The following EYA2 variants were observed in gnomAD, a reference collection of about 807,000 sequenced individuals.
EYA2 encodes the protein protein phosphatase EYA2.
A neutral mutation model predicts 69.2 loss-of-function variants in EYA2; 31 were observed. The observed-to-expected ratio is 0.45, with a 90% CI of 0.34 to 0.60. The LOEUF (loss-of-function observed/expected upper bound fraction) is 0.60. Among genes scored for constraint, EYA2 ranks in the 20% least tolerant of loss-of-function variants. The pLI, the probability that EYA2 is intolerant of heterozygous loss-of-function variation, is 0.02. For synonymous variants in EYA2, 257 were observed against 279.4 expected (o/e 0.92, Z 0.80); for missense variants, 622 against 701.2 (o/e 0.89, Z 1.28).
chr20:47,063,501 A>G (rs2030986965), intron 5 of EYA2, among the ~76,000 whole-genome samples: 1 of 151,858 alleles, frequency 6.6e-6, no homozygotes, highest in South Asian at 2.1e-4. Context: ...CTGACTTCCT[A>G]GAACTGAATC....
At chr20:46,958,509 G>A (rs1979274400) in intron 1 of EYA2, among the ~76,000 whole-genome samples, 1 of 152,122 alleles carries the variant, frequency 6.6e-6, no homozygotes, top group Non-Finnish European at 1.5e-5. Flanking sequence ...GAAGATAGTA[G>A]CATTATGGAA....
intron 1 of EYA2, among the ~76,000 whole-genome samples, chr20:46,976,742 T>G (rs1315252297): frequency 2.6e-5 from 4 of 152,200 alleles, no homozygotes; most frequent in Non-Finnish European, 2.9e-5. Context: ...GCACAAGGGA[T>G]GAAGACATGG....
intron 1 of EYA2, among the ~76,000 whole-genome samples, chr20:46,919,141 G>A (rs900917853): frequency 3.9e-5 from 6 of 152,380 alleles, no homozygotes; most frequent in Admixed American, 2.0e-4. Context: ...CACAGGCAGA[G>A]TAGATTTAAC....
intron 9 of EYA2, among the ~76,000 whole-genome samples, chr20:47,102,444 G>A (rs141032556): frequency 4.5e-4 from 68 of 152,346 alleles, no homozygotes; most frequent in African/African-American, 1.2e-3. Context: ...GGCACTGGAT[G>A]CCAAGATCCC....
chr20:47,026,764 C>T (rs1354783541), intron 5 of EYA2, among the ~76,000 whole-genome samples: 1 of 152,178 alleles, frequency 6.6e-6, no homozygotes, highest in Non-Finnish European at 1.5e-5. Flanking sequence ...CTAAACCCCC[C>T]ACCAACGCTG....
At chr20:47,132,018 G>C (rs1208881041) in intron 9 of EYA2, among the ~76,000 whole-genome samples, 2 of 152,200 alleles carry the variant, frequency 1.3e-5, no homozygotes, top group Non-Finnish European at 2.9e-5. Flanking sequence ...CCAGGCTGGA[G>C]TGCAGTAGCG....
chr20:47,164,159 T>C (rs74935642), intron 10 of EYA2, among the ~76,000 whole-genome samples: 2,817 of 152,244 alleles, frequency 0.019, 97 homozygotes, highest in African/African-American at 0.064. Flanking sequence ...TTCTCTTCCC[T>C]GGAGGCTCCC....
chr20:47,031,500 C>A (rs1258354232), intron 5 of EYA2, among the ~76,000 whole-genome samples: 1 of 152,166 alleles, frequency 6.6e-6, no homozygotes, highest in East Asian at 1.9e-4. Flanking sequence ...CCTTCCCCTC[C>A]GCTTCTCTAG....
At chr20:46,959,929 G>T (rs566498295) in intron 1 of EYA2, among the ~76,000 whole-genome samples, 2 of 152,144 alleles carry the variant, frequency 1.3e-5, no homozygotes, top group Non-Finnish European at 2.9e-5. Flanking sequence ...GACATGCCGT[G>T]GGGGGAATAT....
At chr20:46,963,970 G>A (rs138180255) in intron 1 of EYA2, among the ~76,000 whole-genome samples, 77 of 152,360 alleles carry the variant, frequency 5.1e-4, no homozygotes, top group African/African-American at 1.7e-3. Flanking sequence ...TTGAGCCATT[G>A]TGGCTCAGAC....
intron 9 of EYA2, among the ~76,000 whole-genome samples, chr20:47,104,334 A>G (rs1014002358): frequency 6.6e-6 from 1 of 152,146 alleles, no homozygotes; most frequent in Non-Finnish European, 1.5e-5. Context: ...ATACCAGTCT[A>G]TTATCAGATA....
intron 7 of EYA2, among the ~76,000 whole-genome samples, chr20:47,074,848 A>C (rs1191150233): frequency 6.6e-6 from 1 of 152,224 alleles, no homozygotes; most frequent in Admixed American, 6.5e-5. Flanking sequence ...ACGGTGGCTC[A>C]CACCTGTAAT....
intron 1 of EYA2, among the ~76,000 whole-genome samples, chr20:46,958,575 G>A (rs1679284877): frequency 6.6e-6 from 1 of 152,106 alleles, no homozygotes; most frequent in African/African-American, 2.4e-5. Context: ...TTAAGTTCAG[G>A]GGTACGTGTG....
chr20:47,115,521 T>C (rs960888809), intron 9 of EYA2, among the ~76,000 whole-genome samples: 1 of 152,176 alleles, frequency 6.6e-6, no homozygotes, highest in African/African-American at 2.4e-5. Context: ...ACCCGTCTTA[T>C]GCTCACGTAA....
At chr20:47,164,447 T>G (rs2034139702) in intron 10 of EYA2, among the ~76,000 whole-genome samples, 1 of 151,850 alleles carries the variant, frequency 6.6e-6, no homozygotes, top group South Asian at 2.1e-4. Context: ...ACCCCAGGAG[T>G]GGCTCCAGAG....
chr20:46,944,475 T>A (rs1313679725), intron 1 of EYA2, among the ~76,000 whole-genome samples: 1 of 152,006 alleles, frequency 6.6e-6, no homozygotes, highest in Non-Finnish European at 1.5e-5. Context: ...GGTGTGTGGG[T>A]GCTGGGCACT....
At chr20:47,084,738 A>G (rs1304506321) in intron 7 of EYA2, among the ~76,000 whole-genome samples, 1 of 152,160 alleles carries the variant, frequency 6.6e-6, no homozygotes, top group Non-Finnish European at 1.5e-5. Context: ...AAGACGGACC[A>G]TACCAAGGGC....
intron 5 of EYA2, among the ~76,000 whole-genome samples, chr20:47,062,379 T>A (rs2030926272): frequency 6.6e-6 from 1 of 152,178 alleles, no homozygotes; most frequent in Admixed American, 6.5e-5. Context: ...CCCCTTGGAC[T>A]GCACAGCTGG....
intron 2 of EYA2, among the ~76,000 whole-genome samples, chr20:46,996,902 A>T (rs1272257103): frequency 6.6e-6 from 1 of 152,094 alleles, no homozygotes; most frequent in Non-Finnish European, 1.5e-5. Flanking sequence ...TCTCAAAAAA[A>T]AAAAAGAACA....
Sources: allele counts gnomAD v4.1 joint callset (sites outside exome capture counted in the v4.1 genomes callset), GRCh38; gene constraint gnomAD v4.1.1; transcripts MANE v1.5; gene names NCBI Gene and HGNC (gene_info 2026-07-23, HGNC 2026-07-21).